RHOV: variants seen among roughly 807,000 people sequenced by gnomAD.
RHOV encodes the protein rho-related GTP-binding protein RhoV.
In RHOV, 6 loss-of-function variants were observed where a neutral mutation model predicts 20.2. The ratio of observed to expected loss-of-function variants is 0.30; its 90% CI spans 0.16 to 0.59. The LOEUF is 0.59. Ranked by LOEUF, RHOV falls within the 20% of genes least tolerant of loss-of-function variation. The pLI is 0.89. For missense variants in RHOV, 275 were observed against 319.4 expected (o/e 0.86, Z 1.06); for synonymous variants, 136 against 142.3 (o/e 0.96, Z 0.31).
chr15:40,872,984 G>T lies in RHOV; in HGVS notation c.*74C>A. On this transcript the variant is annotated 3_prime_UTR_variant, in exon 3 of 3. Transcript: ENST00000220507. The stretch of plus-strand genomic sequence containing the variant: ...TGGCCAGGCCCTGCCAGTAGCTGCC[G>T]CAAAGGCCCGGGTGCCCCAGGTCTC... 1.6e-6 allele frequency: 2 copies of T among 1,232,556 alleles called. No homozygotes were observed. The highest frequency in any genetic ancestry group is 2.3e-6 in the Non-Finnish European group (2 of 862,432). 76.4% of individuals were successfully genotyped at this position (1,232,556 alleles called of 1,614,324 possible).
At chr15:40,873,658 A>G in intron 2 of RHOV, 26 bp downstream of exon 2, 1 of 1,612,814 alleles carries the variant, frequency 6.2e-7, no homozygotes, top group South Asian at 1.1e-5. Flanking sequence ...CCCGCAGACC[A>G]GTAGAGGCCG....
Position 40,874,135 on chromosome 15 carries a change from G to C in RHOV, c.5C>G (p.Pro2Arg). 1 of 1,323,576 alleles carries C rather than the reference G, an allele frequency of 7.6e-7. No individual in the cohort carries two copies. The highest frequency in any genetic ancestry group is 9.6e-7 in the Non-Finnish European group (1 of 1,037,462). 82.0% of individuals were successfully genotyped at this position (1,323,576 alleles called of 1,614,324 possible). A position where few individuals can be genotyped will look rare whatever the true frequency, so the allele number is the denominator to read the frequency against. The change falls in exon 1 of 3, where the codon CCG becomes CGG. Residue 2 changes from proline to arginine, a missense_variant. Pro to Arg is a moderately radical substitution (Grantham distance 103). Coordinates refer to ENST00000220507, the MANE Select transcript of RHOV (RefSeq NM_133639.4). ...CTCGGCCTCGCTCAGCTCCCGCGGC[G>C]GCATGGCCCGCTCCGGGGGCAGCAG... M[P>R]PRELSEAEPP...
In RHOV at chr15:40,873,933, A is replaced by T; in HGVS notation, c.207T>A (p.Ser69=). ...GCACGGGCGATTGAACGTACGTACC[A>T]GAGAAGGTGTCCAGCGCAGTGGGCC... ...RYRPTALDTF[S]VQVLVDGAPV... Residue 69 remains serine (S), a splice_region_variant and synonymous_variant, in exon 1 of 3, where the codon TCT becomes TCA. Transcript: ENST00000220507. 1 of 1,609,896 alleles carries T rather than the reference A, an allele frequency of 6.2e-7. No individual in the cohort carries two copies. Among genetic ancestry groups the T allele is most frequent in the Non-Finnish European group, 8.5e-7 (1 of 1,178,194 alleles).
chr15:40,874,146 C>T lies in RHOV; in HGVS notation c.-7G>A, dbSNP rs929404827. On this transcript the variant is annotated 5_prime_UTR_variant, in exon 1 of 3. Transcript: ENST00000220507. ...TCAGCTCCCGCGGCGGCATGGCCCG[C>T]TCCGGGGGCAGCAGAGGGGCCAGCC... 51 of 1,295,498 alleles carry T rather than the reference C, an allele frequency of 3.9e-5. No individual in the cohort carries two copies. The highest frequency in any genetic ancestry group is 4.4e-5 in the Non-Finnish European group (45 of 1,015,622). The allele number at this position is 1,295,498 out of a possible 1,614,324, so 80.3% of individuals were successfully genotyped here.
At position 40,873,479 on chromosome 15, in the gene RHOV, G is replaced by C; in HGVS notation, c.290C>G (p.Ser97Cys). The C allele has an allele frequency of 6.3e-7, 1 of 1,597,112 alleles. No individual in the cohort carries two copies. The highest frequency in any genetic ancestry group is 8.5e-7 in the Non-Finnish European group (1 of 1,171,008). Residue 97 changes from serine (S) to cysteine (C), a missense_variant, in exon 3 of 3, where the codon TCC becomes TGC. By Grantham distance (112) the Ser-to-Cys change is moderately radical. Transcript: ENST00000220507. ...GACATCGGTATCCGGGTAGCAAAGG[G>C]AACGAAGTCGGTCAAAATCCTCCTG... ...AGQEDFDRLRSLCYPDTDVFL... is the reference protein window; with the variant it reads ...AGQEDFDRLRCLCYPDTDVFL...
At chr15:40,873,565 G>A (rs1002338024) in intron 2 of RHOV, 64 bp from the exon 3 acceptor site, 3 of 1,589,334 alleles carry the variant, frequency 1.9e-6, no homozygotes, top group Admixed American at 3.3e-5. Flanking sequence ...TTTCTCACCC[G>A]GGGCTGGAAA....
In RHOV at chr15:40,873,746, C is replaced by T. The variant is rs1472271947; in HGVS notation, c.209-4G>A. On this transcript the variant is annotated splice_region_variant and splice_polypyrimidine_tract_variant and intron_variant, in intron 1 of 2. Coordinates refer to ENST00000220507, the MANE Select transcript of RHOV (RefSeq NM_133639.4). Reference sequence around the variant, plus strand: ...GCTCCATCCACCAGGACTTGCACTGCAGGGGCGGGGCGGGGAGAGCCTGAG... The same window carrying T: ...GCTCCATCCACCAGGACTTGCACTGTAGGGGCGGGGCGGGGAGAGCCTGAG... 1.2e-6 allele frequency: 2 copies of T among 1,613,146 alleles called. No individual in the cohort carries two copies. The highest frequency in any genetic ancestry group is 4.5e-5 in the East Asian group (2 of 44,878).
Position 40,874,057 on chromosome 15 carries a change from G to A in RHOV, c.83C>T (p.Pro28Leu). Reference protein sequence around the residue: ...TPPPRRRSAPPELGIKCVLVG... With the variant: ...TPPPRRRSAPLELGIKCVLVG... ...CAGCACGCACTTGATGCCCAGCTCT[G>A]GGGGCGCGCTACGCCGCCGCGGGGG... The change falls in exon 1 of 3, where the codon CCA (proline) becomes CTA (leucine). Residue 28 changes from proline to leucine, a missense_variant. Physicochemically the swap from Pro to Leu is moderately conservative, Grantham distance 98. Coordinates refer to ENST00000220507, the MANE Select transcript of RHOV (RefSeq NM_133639.4). The A allele has an allele frequency of 6.4e-7, 1 of 1,563,678 alleles. No individual in the cohort carries two copies. Among genetic ancestry groups the A allele is most frequent in the Non-Finnish European group, 8.6e-7 (1 of 1,159,410 alleles).
chr15:40,874,090 G>A lies in RHOV; in HGVS notation c.50C>T (p.Pro17Leu), dbSNP rs1368157141. The part of the protein sequence containing the change: ...SEAEPPPLRA[P>L]TPPPRRRSAP... ...GCTACGCCGCCGCGGGGGAGGGGTC[G>A]GGGCCCGGAGCGGGGGCGGCTCGGC... The change falls in exon 1 of 3, where the codon CCG becomes CTG. Residue 17 changes from proline to leucine, a missense_variant. By Grantham distance (98) the Pro-to-Leu change is moderately conservative. Transcript: ENST00000220507. 2 of 1,476,764 alleles carry A rather than the reference G, an allele frequency of 1.4e-6. No individual in the cohort carries two copies. Among genetic ancestry groups the A allele is most frequent in the South Asian group, 1.3e-5 (1 of 76,552 alleles). 91.5% of individuals were successfully genotyped at this position (1,476,764 alleles called of 1,614,324 possible).
chr15:40,873,194 T>G lies in RHOV; in HGVS notation c.575A>C (p.Lys192Thr). 1 of 1,614,272 alleles carries G rather than the reference T, an allele frequency of 6.2e-7. No homozygotes were observed. Among genetic ancestry groups the G allele is most frequent in the South Asian group, 1.1e-5 (1 of 91,086 alleles). Residue 192 changes from lysine (K) to threonine (T), a missense_variant, in exon 3 of 3, where the codon AAG becomes ACG. Lys to Thr is a moderately conservative substitution (Grantham distance 78). Coordinates refer to ENST00000220507, the MANE Select transcript of RHOV (RefSeq NM_133639.4). The part of the protein sequence containing the change: ...CYLECSALTQ[K>T]NLKEVFDSAI... ...CGAGTCAAATACTTCCTTCAAGTTCTTCTGCGTCAAGGCTGAGCACTCAAG... is the reference window on the plus strand; with the variant it reads ...CGAGTCAAATACTTCCTTCAAGTTCGTCTGCGTCAAGGCTGAGCACTCAAG...
In RHOV at chr15:40,873,087, G is replaced by A; in HGVS notation, c.682C>T (p.Arg228Cys). 1.2e-6 allele frequency: 2 copies of A among 1,614,082 alleles called. No homozygotes were observed. Among genetic ancestry groups the A allele is most frequent in the Non-Finnish European group, 1.7e-6 (2 of 1,179,916 alleles). The change falls in exon 3 of 3, where the codon CGC becomes TGC. Residue 228 changes from arginine to cysteine, a missense_variant. Arg to Cys is a radical substitution (Grantham distance 180). Transcript: ENST00000220507. Reference protein sequence around the residue: ...AKGVRTLSRCRWKKFFCFV With the variant: ...AKGVRTLSRCCWKKFFCFV The stretch of plus-strand genomic sequence containing the variant: ...ACGAAGCAGAAGAACTTCTTCCAGC[G>A]GCAGCGGGAGAGGGTGCGCACACCT...
rs553339259 is a variant in RHOV at position 40,873,270 on chromosome 15, G to C, written c.499C>G (p.Pro167Ala). 1 of 1,614,048 alleles carries C rather than the reference G, an allele frequency of 6.2e-7. No individual in the cohort carries two copies. Residue 167 changes from proline to alanine, a missense_variant, in exon 3 of 3, where the codon CCC becomes GCC. Physicochemically the swap from Pro to Ala is conservative, Grantham distance 27 (BLOSUM62 -1). Coordinates refer to ENST00000220507, the MANE Select transcript of RHOV (RefSeq NM_133639.4). ...LDQGGREGPV[P>A]QPQAQGLAEK... ...GCCAGACCCTGAGCCTGGGGTTGGGGCACGGGGCCCTCCCGGCCCCCCTGG... is the reference window on the plus strand; with the variant it reads ...GCCAGACCCTGAGCCTGGGGTTGGGCCACGGGGCCCTCCCGGCCCCCCTGG...
chr15:40,873,454 G>A lies in RHOV; in HGVS notation c.315C>T (p.Val105=), dbSNP rs1368731329. 6.2e-7 allele frequency: 1 copy of A among 1,605,144 alleles called. No homozygotes were observed. Among genetic ancestry groups the A allele is most frequent in the Admixed American group, 1.7e-5 (1 of 58,712 alleles). The change falls in exon 3 of 3, where the codon GTC becomes GTT. Residue 105 remains valine (V), a synonymous_variant. Coordinates refer to ENST00000220507, the MANE Select transcript of RHOV (RefSeq NM_133639.4). ...LRSLCYPDTD[V]FLACFSVVQP... ...GCACCACGCTGAAGCACGCCAGGAA[G>A]ACATCGGTATCCGGGTAGCAAAGGG...
At position 40,873,667 on chromosome 15, in the gene RHOV, C is replaced by T. The variant is rs1264404240; in HGVS notation, c.267+17G>A. On this transcript the variant is annotated intron_variant, in intron 2 of 2. Transcript: ENST00000220507. Reference sequence around the variant, plus strand: ...CATCTCCCCGCAGACCAGTAGAGGCCGCGCCCAGCTTCTCACCTGTCCCGC... The same window carrying T: ...CATCTCCCCGCAGACCAGTAGAGGCTGCGCCCAGCTTCTCACCTGTCCCGC... The T allele has an allele frequency of 1.2e-6, 2 of 1,613,566 alleles. No homozygotes were observed. The highest frequency in any genetic ancestry group is 2.7e-5 in the African/African-American group (2 of 74,922).
In RHOV at chr15:40,873,636, C is replaced by G. The variant is rs74011897; in HGVS notation, c.267+48G>C. ...GCTCCATATGGGGTCCTCCCAGCCT[C>G]CAGCCCATCTCCCCGCAGACCAGTA... On this transcript the variant is annotated intron_variant, in intron 2 of 2. Coordinates refer to ENST00000220507, the MANE Select transcript of RHOV (RefSeq NM_133639.4). The G allele has an allele frequency of 3.3e-3, 5,363 of 1,606,870 alleles. 184 individuals carry two copies. The African/African-American group carries it at 0.063, about 19-fold the overall frequency.
Position 40,873,134 on chromosome 15 carries a change from A to T in RHOV, c.635T>A (p.Leu212Gln), listed in dbSNP as rs1167837976. Reference protein sequence around the residue: ...ILSAIEHKARLEKKLNAKGVR... With the variant: ...ILSAIEHKARQEKKLNAKGVR... ...ACCTTTGGCATTCAGTTTCTTCTCC[A>T]GCCGGGCTTTGTGCTCAATGGCACT... Residue 212 changes from leucine to glutamine, a missense_variant, in exon 3 of 3, where the codon CTG becomes CAG. Leu to Gln is a moderately radical substitution (Grantham distance 113). Coordinates refer to ENST00000220507, the MANE Select transcript of RHOV (RefSeq NM_133639.4). 1 of 1,614,132 alleles carries T rather than the reference A, an allele frequency of 6.2e-7. No individual in the cohort carries two copies. The highest frequency in any genetic ancestry group is 8.5e-7 in the Non-Finnish European group (1 of 1,180,038).
Position 40,872,922 on chromosome 15 carries a change from C to T in RHOV, c.*136G>A. ...AGAGTGGGCAGTTAGAGGCCCATGT[C>T]CCCCGAGTGTTCAGAAGGGAACTGA... On this transcript the variant is annotated 3_prime_UTR_variant, in exon 3 of 3. Transcript: ENST00000220507. 1.5e-6 allele frequency: 1 copy of T among 656,558 alleles called. No individual in the cohort carries two copies. The highest frequency in any genetic ancestry group is 1.8e-5 in the South Asian group (1 of 54,764). 40.7% of individuals were successfully genotyped at this position (656,558 alleles called of 1,614,324 possible). A position where few individuals can be genotyped will look rare whatever the true frequency, so the allele number is the denominator to read the frequency against.
Position 40,873,889 on chromosome 15 carries a change from C to T in RHOV, c.208+43G>A, listed in dbSNP as rs749438672. Reference sequence around the variant, plus strand: ...CGCCCCAGCTCCCCGGTGCACAGCCCCGCCGCAGCCACGCGGCCGCACGGG... The same window carrying T: ...CGCCCCAGCTCCCCGGTGCACAGCCTCGCCGCAGCCACGCGGCCGCACGGG... On this transcript the variant is annotated intron_variant, in intron 1 of 2. Transcript: ENST00000220507. 1.9e-6 allele frequency: 3 copies of T among 1,575,836 alleles called. No homozygotes were observed. The African/African-American group carries it at 4.0e-5, about 21-fold the overall frequency.
At position 40,872,422 on chromosome 15, in the gene RHOV, C is replaced by G. The variant is rs1457057948; in HGVS notation, c.*636G>C. The G allele has an allele frequency of 2.0e-5, 3 of 152,442 alleles. No individual in the cohort carries two copies. The East Asian group carries it at 5.8e-4, about 29-fold the overall frequency. 9.4% of individuals were successfully genotyped at this position (152,442 alleles called of 1,614,324 possible). A position where few individuals can be genotyped will look rare whatever the true frequency, so the allele number is the denominator to read the frequency against. Reference sequence around the variant, plus strand: ...GCAGTGCCTAGGGAGCCCAGAGACCCAGTTCTTCCCAGGGGCCAGCCCCGC... The same window carrying G: ...GCAGTGCCTAGGGAGCCCAGAGACCGAGTTCTTCCCAGGGGCCAGCCCCGC... On this transcript the variant is annotated 3_prime_UTR_variant, in exon 3 of 3. Transcript: ENST00000220507.
Sources: allele counts gnomAD v4.1 joint callset, GRCh38; gene constraint gnomAD v4.1.1; transcripts MANE v1.5; gene names NCBI Gene and HGNC (gene_info 2026-07-23, HGNC 2026-07-21).